The following PDE7B variants were observed in gnomAD, a reference collection of about 807,000 sequenced individuals.
PDE7B encodes the protein phosphodiesterase 7B.
In PDE7B, 29 loss-of-function variants were observed where a neutral mutation model predicts 56.2. The observed-to-expected ratio is 0.52, with a 90% CI of 0.38 to 0.70. The LOEUF is 0.70. PDE7B is among the 30% of genes least tolerant of loss of function. The pLI is 0.00. For missense variants in PDE7B, 490 were observed against 565.0 expected (o/e 0.87, Z 1.35); for synonymous variants, 197 against 196.9 (o/e 1.00, Z 0.00).
At chr6:136,148,466 A>AGGCAGGCAGGC (rs879737273) in intron 4 of PDE7B, among the ~76,000 whole-genome samples, 15 of 43,034 alleles carry the variant, frequency 3.5e-4, no homozygotes, top group African/African-American at 1.7e-3. Flanking sequence ...GGAGGGAAGG[A>AGGCAGGCAGGC]AGGAAGGCAG....
At chr6:136,032,757 G>T (rs1467511993) in intron 2 of PDE7B, among the ~76,000 whole-genome samples, 1 of 152,128 alleles carries the variant, frequency 6.6e-6, no homozygotes, top group Admixed American at 6.5e-5. Flanking sequence ...ATATCATATA[G>T]CTTAAAAATA....
chr6:136,165,701 A>G (rs1422339651), intron 8 of PDE7B: 1 of 152,296 alleles, frequency 6.6e-6, no homozygotes, highest in East Asian at 1.9e-4. Flanking sequence ...AATGGGGAAA[A>G]GCAAAAGAAA....
chr6:136,004,494 C>T (rs1189978225), intron 2 of PDE7B, among the ~76,000 whole-genome samples: 4 of 152,126 alleles, frequency 2.6e-5, no homozygotes, highest in Non-Finnish European at 4.4e-5. Flanking sequence ...TGATAAGCAA[C>T]TTCAGCAAAG....
chr6:136,104,109 G>A (rs1777607488), intron 2 of PDE7B, among the ~76,000 whole-genome samples: 1 of 152,136 alleles, frequency 6.6e-6, no homozygotes, highest in Admixed American at 6.5e-5. Context: ...GGGCAATTCA[G>A]CTCAGCTCTG....
At chr6:135,926,364 G>T (rs4601145) in intron 1 of PDE7B, among the ~76,000 whole-genome samples, 47,833 of 151,888 alleles carry the variant, frequency 0.31, 9,606 homozygotes, top group African/African-American at 0.58. Context: ...TGGGATTACA[G>T]GCGTGAGCCA....
In PDE7B at chr6:136,179,158, A is replaced by G. The variant is rs1779025021; in HGVS notation, c.948+17A>G. On this transcript the variant is annotated intron_variant, in intron 10 of 12. Transcript: ENST00000308191. ...ATGCTTCAGGTAAACGAAACAATAA[A>G]AGCCATTCTTTTTGCTGAGTGAAAA... 6.2e-7 allele frequency: 1 copy of G among 1,611,584 alleles called. No individual in the cohort carries two copies. Among genetic ancestry groups the G allele is most frequent in the Admixed American group, 1.7e-5 (1 of 59,912 alleles).
chr6:136,019,598 G>A (rs1044376520), intron 2 of PDE7B, among the ~76,000 whole-genome samples: 1 of 152,112 alleles, frequency 6.6e-6, no homozygotes, highest in East Asian at 1.9e-4. Context: ...TGAATAATGA[G>A]GGGGTTAGGA....
intron 2 of PDE7B, among the ~76,000 whole-genome samples, chr6:136,069,372 G>C (rs1266061494): frequency 6.6e-6 from 1 of 152,172 alleles, no homozygotes; most frequent in Admixed American, 6.5e-5. Context: ...TACATGTGAG[G>C]CTACACTGAT....
At chr6:136,029,959 C>A (rs1246213300) in intron 2 of PDE7B, among the ~76,000 whole-genome samples, 1 of 152,202 alleles carries the variant, frequency 6.6e-6, no homozygotes, top group African/African-American at 2.4e-5. Flanking sequence ...TTAATTTTCA[C>A]TCTAAATTCT....
intron 2 of PDE7B, among the ~76,000 whole-genome samples, chr6:135,979,348 T>C (rs1479968073): frequency 2.0e-5 from 3 of 151,876 alleles, no homozygotes; most frequent in East Asian, 1.9e-4. Flanking sequence ...CTTTTGTGGT[T>C]GTGTCTCTGC....
chr6:136,163,264 A>C (rs1778739037), intron 8 of PDE7B, among the ~76,000 whole-genome samples: 1 of 152,256 alleles, frequency 6.6e-6, no homozygotes, highest in Admixed American at 6.5e-5. Flanking sequence ...TCAAACCTCA[A>C]TTCTTGACTT....
intron 2 of PDE7B, among the ~76,000 whole-genome samples, chr6:136,089,485 G>T (rs768436603): frequency 3.3e-5 from 5 of 152,186 alleles, no homozygotes; most frequent in Non-Finnish European, 7.4e-5. Flanking sequence ...AGATGCAATT[G>T]TTCATTTGAT....
intron 1 of PDE7B, among the ~76,000 whole-genome samples, chr6:135,859,985 G>A (rs9483884): frequency 0.031 from 4,737 of 151,938 alleles, 149 homozygotes; most frequent in African/African-American, 0.083. Context: ...CTAAAGCCCC[G>A]AGTTCAAGTT....
chr6:136,077,112 A>G (rs1583868297), intron 2 of PDE7B, among the ~76,000 whole-genome samples: 4 of 149,724 alleles, frequency 2.7e-5, no homozygotes, highest in African/African-American at 9.8e-5. Context: ...GGGGGTGGGA[A>G]GAGAGGGAGG....
chr6:136,117,930 A>G (rs1777867673), intron 3 of PDE7B, among the ~76,000 whole-genome samples: 1 of 152,174 alleles, frequency 6.6e-6, no homozygotes, highest in Non-Finnish European at 1.5e-5. Context: ...CAGAAAGACC[A>G]TGAGCTTTGA....
chr6:136,144,650 T>C (rs916846915), intron 3 of PDE7B, among the ~76,000 whole-genome samples: 1 of 152,140 alleles, frequency 6.6e-6, no homozygotes, highest in African/African-American at 2.4e-5. Flanking sequence ...ATGCATTGCA[T>C]TTAGTGCACT....
At chr6:136,145,238 T>C (rs1404665979) in intron 3 of PDE7B, among the ~76,000 whole-genome samples, 1 of 152,170 alleles carries the variant, frequency 6.6e-6, no homozygotes, top group Non-Finnish European at 1.5e-5. Context: ...GGTTCTTACT[T>C]CAGCCAATGG....
At chr6:135,980,514 A>T (rs1775275982) in intron 2 of PDE7B, among the ~76,000 whole-genome samples, 1 of 151,668 alleles carries the variant, frequency 6.6e-6, no homozygotes, top group Non-Finnish European at 1.5e-5. Flanking sequence ...AACCTACAAA[A>T]TGGGAGAAAA....
chr6:135,913,723 T>C (rs1268780251), intron 1 of PDE7B, among the ~76,000 whole-genome samples: 1 of 152,230 alleles, frequency 6.6e-6, no homozygotes, highest in African/African-American at 2.4e-5. Context: ...AACCCTAGTT[T>C]TTTGTTATCA....
Sources: gnomAD v4.1 joint callset for allele counts (sites outside exome capture counted in the v4.1 genomes callset) on GRCh38, gnomAD v4.1.1 for gene constraint, MANE v1.5 for transcripts, NCBI Gene and HGNC (gene_info 2026-07-23, HGNC 2026-07-21) for gene names.